The following PRKAR1B variants were observed in gnomAD, a reference collection of about 807,000 sequenced individuals.
The protein encoded by PRKAR1B is cAMP-dependent protein kinase type I-beta regulatory subunit.
A neutral mutation model predicts 46.5 loss-of-function variants in PRKAR1B; 22 were observed. That is an observed-to-expected ratio of 0.47 (90% CI 0.34 to 0.68). The LOEUF (loss-of-function observed/expected upper bound fraction) is 0.68, where lower values mean the gene tolerates loss of function less well. Among genes scored for constraint, PRKAR1B ranks in the 30% least tolerant of loss-of-function variants. PRKAR1B has a pLI of 0.01. For missense variants in PRKAR1B, 445 were observed against 535.6 expected, an observed-to-expected ratio of 0.83 and a Z score of 1.67; for synonymous variants, 259 against 217.7, an observed-to-expected ratio of 1.19 and a Z score of -1.67.
At chr7:722,423 G>T (rs539739464) in intron 1 of PRKAR1B, among the ~76,000 whole-genome samples, 15 of 151,578 alleles carry the variant, frequency 9.9e-5, no homozygotes, top group Non-Finnish European at 2.2e-4. Context: ...TTTTAGTAGA[G>T]ATGGGGTTTC....
At chr7:595,327 T>TCC (rs372994205) in intron 7 of PRKAR1B, among the ~76,000 whole-genome samples, 3 of 151,788 alleles carry the variant, frequency 2.0e-5, no homozygotes. Context: ...GGAACAGCAG[T>TCC]CCCCCCCGCC....
intron 8 of PRKAR1B, among the ~76,000 whole-genome samples, chr7:581,880 T>A (rs540562174): frequency 6.6e-6 from 1 of 152,272 alleles, no homozygotes; most frequent in South Asian, 2.1e-4. Context: ...CACACCCGGC[T>A]AACTTTTTAA....
chr7:579,176 G>A (rs559840841), intron 9 of PRKAR1B, 80 bp downstream of exon 9: 47 of 1,607,504 alleles, frequency 2.9e-5, no homozygotes, highest in South Asian at 2.8e-4. Context: ...AGGGTGAGGC[G>A]GGCAGTGGAA....
rs913197832 is a variant in PRKAR1B, at chr7:552,389, T to C, written c.892-919A>G. Among the ~76,000 whole-genome samples, 160 of 24,620 alleles carry C rather than the reference T, an allele frequency of 6.5e-3. 1 individual carries two copies. The highest frequency in any genetic ancestry group is 0.01 in the African/African-American group (41 of 4,016). The allele number at this position is 24,620 out of a possible 152,430, so 16.2% of individuals were successfully genotyped here. A position where few individuals can be genotyped will look rare whatever the true frequency, so the allele number is the denominator to read the frequency against. On this transcript the variant is annotated intron_variant, in intron 9 of 10. Coordinates refer to ENST00000537384, the MANE Select transcript of PRKAR1B (RefSeq NM_001164760.2). ...CCCCCACCTCCCGCCCGGGTCCTTCTCCAGAGCCACTGCCACCACCACGTC... is the reference window on the plus strand; with the variant it reads ...CCCCCACCTCCCGCCCGGGTCCTTCCCCAGAGCCACTGCCACCACCACGTC...
At chr7:653,364 C>T (rs1384799178) in intron 4 of PRKAR1B, among the ~76,000 whole-genome samples, 1 of 152,202 alleles carries the variant, frequency 6.6e-6, no homozygotes, top group Non-Finnish European at 1.5e-5. Flanking sequence ...CACTGCCTCC[C>T]AAGCTTCCCA....
intron 4 of PRKAR1B, among the ~76,000 whole-genome samples, chr7:664,770 TG>T (rs1220051810): frequency 1.3e-5 from 2 of 150,280 alleles, no homozygotes; most frequent in Non-Finnish European, 3.0e-5. Flanking sequence ...AAAAAATAGC[TG>T]GGTGTGGTGG....
At chr7:670,740 C>T (rs34547684) in intron 4 of PRKAR1B, among the ~76,000 whole-genome samples, 9,075 of 147,864 alleles carry the variant, frequency 0.061, 248 homozygotes, top group Middle Eastern at 0.16. Flanking sequence ...GGACCGAGGA[C>T]GGCCCCCGAG....
At chr7:630,487 C>T (rs980762399) in intron 4 of PRKAR1B, among the ~76,000 whole-genome samples, 26 of 152,194 alleles carry the variant, frequency 1.7e-4, no homozygotes, top group African/African-American at 5.1e-4. Flanking sequence ...GTGGCCTATC[C>T]CATTGCCCTG....
In PRKAR1B at chr7:579,237, C is replaced by T. The variant is rs149926526; in HGVS notation, c.891+19G>A. 3.4e-4 allele frequency: 549 copies of T among 1,613,962 alleles called. 5 individuals carry two copies. The East Asian group carries it at 0.01, about 31-fold the overall frequency. ...CCCCAGTGCACACCCAGAGCGCCCACGTGGGAAGCACGTCTCACCTCCGTG... is the reference window on the plus strand; with the variant it reads ...CCCCAGTGCACACCCAGAGCGCCCATGTGGGAAGCACGTCTCACCTCCGTG... On this transcript the variant is annotated intron_variant, in intron 9 of 10. Coordinates refer to ENST00000537384, the MANE Select transcript of PRKAR1B (RefSeq NM_001164760.2).
chr7:617,299 CTTTTTT>C (rs71016890), intron 4 of PRKAR1B, among the ~76,000 whole-genome samples: 3 of 132,406 alleles, frequency 2.3e-5, no homozygotes, highest in South Asian at 2.6e-4. Flanking sequence ...GACCAAGTGC[CTTTTTT>C]TTTTTTTTTT....
intron 2 of PRKAR1B, among the ~76,000 whole-genome samples, chr7:685,791 T>G (rs1453648808): frequency 1.3e-5 from 2 of 152,168 alleles, no homozygotes; most frequent in Admixed American, 6.6e-5. Flanking sequence ...TGTTTGTAGT[T>G]ATAACAAAGG....
chr7:690,008 G>A (rs946794401), intron 2 of PRKAR1B, among the ~76,000 whole-genome samples: 2 of 151,488 alleles, frequency 1.3e-5, no homozygotes, highest in African/African-American at 4.8e-5. Flanking sequence ...AGAGCTGAGG[G>A]AGGGAGGCCA....
intron 4 of PRKAR1B, among the ~76,000 whole-genome samples, chr7:629,469 G>A (rs78655793): frequency 1.7e-5 from 2 of 121,192 alleles, no homozygotes; most frequent in East Asian, 2.5e-4. Flanking sequence ...CACCACCCCA[G>A]GGCTGGAAAA....
chr7:613,885 C>T (rs1782661525), intron 4 of PRKAR1B, among the ~76,000 whole-genome samples: 1 of 152,264 alleles, frequency 6.6e-6, no homozygotes, highest in Non-Finnish European at 1.5e-5. Context: ...GAGACCTCTC[C>T]CGGCCCCAGG....
intron 6 of PRKAR1B, among the ~76,000 whole-genome samples, chr7:603,990 C>T (rs560131238): frequency 2.2e-4 from 34 of 152,296 alleles, no homozygotes; most frequent in African/African-American, 7.9e-4. Context: ...GGAAGCTGCC[C>T]ATCCCATACC....
intron 6 of PRKAR1B, among the ~76,000 whole-genome samples, chr7:601,613 C>T (rs1012021339): frequency 7.2e-5 from 11 of 152,276 alleles, no homozygotes; most frequent in East Asian, 3.9e-4. Context: ...CTCCTGCGCC[C>T]GGCCCCGCCC....
At chr7:552,329 G>A (rs563983919) in intron 9 of PRKAR1B, among the ~76,000 whole-genome samples, 1 of 12,002 alleles carries the variant, frequency 8.3e-5, no homozygotes, top group East Asian at 2.1e-3. Context: ...GGTCCTTCCC[G>A]CAGAGCCACT....
chr7:590,224 A>G (rs12720009), intron 7 of PRKAR1B, among the ~76,000 whole-genome samples: 117,325 of 152,274 alleles, frequency 0.77, 45,467 homozygotes, highest in South Asian at 0.91. Context: ...AAAGGGTGTG[A>G]AACCATAAGG....
rs1433786107 is a variant in PRKAR1B at position 593,568 on chromosome 7, C to T, written c.708+2578G>A. ...GGCGTCAAGGATGGTGGGGAAACGGCTTATGCAACGCCGGGCCAGGTGCGC... is the reference window on the plus strand; with the variant it reads ...GGCGTCAAGGATGGTGGGGAAACGGTTTATGCAACGCCGGGCCAGGTGCGC... On this transcript the variant is annotated intron_variant, in intron 7 of 10. Coordinates refer to ENST00000537384, the MANE Select transcript of PRKAR1B (RefSeq NM_001164760.2). This position sits in a 1 kb window ranked among gnomAD's most constrained non-coding sequence, Gnocchi z 6.1. Among the ~76,000 whole-genome samples, 1 of 152,180 alleles carries T rather than the reference C, an allele frequency of 6.6e-6. No homozygotes were observed. The highest frequency in any genetic ancestry group is 1.5e-5 in the Non-Finnish European group (1 of 68,036).
Sources: gnomAD v4.1 joint callset for allele counts (sites outside exome capture counted in the v4.1 genomes callset) on GRCh38, gnomAD v4.1.1 for gene constraint, Gnocchi (gnomAD v3.1) non-coding constraint, MANE v1.5 for transcripts, NCBI Gene and HGNC (gene_info 2026-07-23, HGNC 2026-07-21) for gene names.